The following FILIP1 variants were observed in gnomAD, a reference collection of about 807,000 sequenced individuals.
The protein encoded by FILIP1 is filamin A interacting protein 1, also known as filamin-A-interacting protein 1.
A neutral mutation model predicts 102.1 loss-of-function variants in FILIP1; 61 were observed. The observed-to-expected ratio is 0.60, with a 90% CI of 0.49 to 0.74. The LOEUF (loss-of-function observed/expected upper bound fraction) is 0.74, where lower values mean the gene tolerates loss of function less well. Among genes scored for constraint, FILIP1 ranks in the 30% least tolerant of loss-of-function variants. FILIP1 has a pLI of 0.00. For synonymous variants in FILIP1, 491 were observed against 526.9 expected, an observed-to-expected ratio of 0.93 and a Z score of 0.93; for missense variants, 1,314 against 1,441.2, an observed-to-expected ratio of 0.91 and a Z score of 1.43.
chr6:75,485,295 G>T (rs1779752213), intron 1 of FILIP1, among the ~76,000 whole-genome samples: 1 of 152,174 alleles, frequency 6.6e-6, no homozygotes, highest in South Asian at 2.1e-4. Context: ...GCTTCAGGAA[G>T]ATGTTTAGCC....
Position 75,314,638 on chromosome 6 carries a change from A to G in FILIP1, c.1194T>C (p.Thr398=), listed in dbSNP as rs377467412. The change falls in exon 5 of 6, where the codon ACT becomes ACC. Residue 398 remains threonine, a synonymous_variant. Transcript: ENST00000237172. ...LEMEGKDEEI[T]KTESQCRELR... is the part of the protein sequence containing the mutation. Reference sequence around the variant, plus strand: ...ATTCCCTACACTGGGATTCAGTTTTAGTGATCTCCTCATCTTTACCTTCCA... The same window carrying G: ...ATTCCCTACACTGGGATTCAGTTTTGGTGATCTCCTCATCTTTACCTTCCA... 5.6e-6 allele frequency: 9 copies of G among 1,613,604 alleles called. No homozygotes were observed. Among genetic ancestry groups the G allele is most frequent in the South Asian group, 1.1e-5 (1 of 90,912 alleles).
In FILIP1 at chr6:75,395,662, T is replaced by C. The variant is rs16886581; in HGVS notation, c.276+19035A>G. Among the ~76,000 whole-genome samples the C allele has an allele frequency of 7.2e-3, 1,097 of 152,308 alleles. 11 individuals are homozygous for C. Among genetic ancestry groups the C allele is most frequent in the African/African-American group, 0.025 (1,057 of 41,560 alleles). On this transcript the variant is annotated intron_variant, in intron 2 of 5. Coordinates refer to ENST00000237172, the MANE Select transcript of FILIP1 (RefSeq NM_015687.5). ...TTTTGAACACAAGTTTACTACTGAA[T>C]TAGAGCATCGTCCCATCCATACACT...
At chr6:75,468,790 T>C (rs1452236014) in intron 1 of FILIP1, among the ~76,000 whole-genome samples, 2 of 152,124 alleles carry the variant, frequency 1.3e-5, no homozygotes. Context: ...CTAGATATTA[T>C]ATTAATATTT....
At chr6:75,316,965 G>C (rs1773467975) in intron 4 of FILIP1, among the ~76,000 whole-genome samples, 1 of 152,204 alleles carries the variant, frequency 6.6e-6, no homozygotes, top group Admixed American at 6.5e-5. Context: ...TAACTGGACT[G>C]TTAGAGATTA....
intron 4 of FILIP1, among the ~76,000 whole-genome samples, chr6:75,322,629 ATTG>A (rs546154931): frequency 3.5e-4 from 53 of 152,310 alleles, no homozygotes; most frequent in Non-Finnish European, 6.0e-4. Flanking sequence ...GGTATTTTAA[ATTG>A]TTATTGCCTT....
At chr6:75,388,689 G>A (rs189541746) in intron 2 of FILIP1, among the ~76,000 whole-genome samples, 5 of 152,176 alleles carry the variant, frequency 3.3e-5, no homozygotes, top group African/African-American at 1.2e-4. Flanking sequence ...TCTATTGTTG[G>A]TGTATAGGAA....
chr6:75,433,552 CTT>C (rs1379272255), intron 1 of FILIP1, among the ~76,000 whole-genome samples: 1 of 152,076 alleles, frequency 6.6e-6, no homozygotes. Flanking sequence ...TGTTTAAGTT[CTT>C]TTTAGATTCT....
chr6:75,432,542 G>A (rs1777859041), intron 1 of FILIP1, among the ~76,000 whole-genome samples: 1 of 152,054 alleles, frequency 6.6e-6, no homozygotes, highest in Non-Finnish European at 1.5e-5. Flanking sequence ...TTTTATTTTA[G>A]TTTATTCTAA....
chr6:75,415,097 T>A, intron 1 of FILIP1, 119 bp from the exon 2 acceptor site: 2 of 933,780 alleles, frequency 2.1e-6, no homozygotes, highest in Non-Finnish European at 3.2e-6. Flanking sequence ...AAAATCAAAT[T>A]AACATGTCAT....
chr6:75,414,263 C>T (rs1777175915), intron 2 of FILIP1, among the ~76,000 whole-genome samples: 3 of 151,606 alleles, frequency 2.0e-5, no homozygotes. Flanking sequence ...CCTTATTTAC[C>T]TCTATCTCTC....
intron 1 of FILIP1, among the ~76,000 whole-genome samples, chr6:75,479,708 A>G (rs1779594471): frequency 6.6e-6 from 1 of 151,474 alleles, no homozygotes; most frequent in South Asian, 2.1e-4. Flanking sequence ...ATCTCTACTA[A>G]TAATACAAAA....
chr6:75,356,377 G>A (rs1018686034), intron 3 of FILIP1, among the ~76,000 whole-genome samples: 3 of 147,522 alleles, frequency 2.0e-5, no homozygotes, highest in African/African-American at 8.1e-5. Context: ...ATAGAGACTG[G>A]TGGAGAAGCC....
chr6:75,296,475 T>TTCATTATTATTA (rs1772680390), intron 6 of FILIP1: 2 of 140,396 alleles, frequency 1.4e-5, no homozygotes, highest in African/African-American at 5.3e-5. Flanking sequence ...ACTCTATATG[T>TTCATTATTATTA]TTATTATTAT....
chr6:75,453,136 A>T (rs1183839411), intron 1 of FILIP1, among the ~76,000 whole-genome samples: 1 of 152,196 alleles, frequency 6.6e-6, no homozygotes, highest in Non-Finnish European at 1.5e-5. Flanking sequence ...ATTACCCCAT[A>T]CAGAGTTGTA....
At chr6:75,478,122 T>A (rs1042760682) in intron 1 of FILIP1, among the ~76,000 whole-genome samples, 1 of 152,230 alleles carries the variant, frequency 6.6e-6, no homozygotes, top group Non-Finnish European at 1.5e-5. Context: ...GGACAACTTA[T>A]GTGATACAGC....
intron 3 of FILIP1, chr6:75,361,066 C>G (rs1270988498): frequency 6.6e-6 from 1 of 151,976 alleles, no homozygotes; most frequent in Non-Finnish European, 1.5e-5. Context: ...TCTGCCCTCT[C>G]TCTCTGCCTT....
intron 1 of FILIP1, among the ~76,000 whole-genome samples, chr6:75,461,159 AAGCAGCCCTACTATGTGCT>A (rs1243413291): frequency 2.0e-5 from 3 of 152,220 alleles, no homozygotes; most frequent in Non-Finnish European, 4.4e-5. Context: ...ATAACAATAC[AAGCAGCCCTACTATGTGCT>A]AGGCATTGCT....
At position 75,312,279 on chromosome 6, in the gene FILIP1, G is replaced by A. The variant is rs567311499; in HGVS notation, c.3435+118C>T. The A allele has an allele frequency of 2.4e-4, 232 of 958,966 alleles. 1 individual carries two copies. The African/African-American group carries it at 3.5e-3, about 14-fold the overall frequency. 59.4% of individuals were successfully genotyped at this position (958,966 alleles called of 1,614,324 possible). On this transcript the variant is annotated intron_variant, in intron 5 of 5. Coordinates refer to ENST00000237172, the MANE Select transcript of FILIP1 (RefSeq NM_015687.5). ...GATGGTCCTCTGGGAAGCATCTGTT[G>A]GTGGATTCAGGTAGCATGAGAAGCA...
In FILIP1 at chr6:75,362,853, T is replaced by C. The variant is rs763897881; in HGVS notation, c.341A>G (p.His114Arg). 6.2e-7 allele frequency: 1 copy of C among 1,614,070 alleles called. No homozygotes were observed. The highest frequency in any genetic ancestry group is 8.5e-7 in the Non-Finnish European group (1 of 1,179,990). ...TTTCTCTGGCTCCGCAGACCCGTAA[T>C]GAGCCTCCAGAACCTCAGGCTTGGT... is the stretch of plus-strand genomic sequence containing the variant. ...EKTKPEVLEAHYGSAEPEKVL... is the reference protein window; with the variant it reads ...EKTKPEVLEARYGSAEPEKVL... Residue 114 changes from histidine (H) to arginine (R), a missense_variant, in exon 3 of 6, where the codon CAT (histidine) becomes CGT (arginine). Physicochemically the swap from His to Arg is conservative, Grantham distance 29 (BLOSUM62 0). This residue lies in a region of FILIP1 where 494 missense variants were observed against 511.2 expected (regional missense o/e 0.97). Transcript: ENST00000237172.
Sources: allele counts gnomAD v4.1 joint callset (sites outside exome capture counted in the v4.1 genomes callset), GRCh38; gene constraint gnomAD v4.1.1; regional missense constraint gnomAD v4.1.1; transcripts MANE v1.5; gene names NCBI Gene and HGNC (gene_info 2026-07-23, HGNC 2026-07-21).